Variants in BICD1 observed in about 807,000 individuals in gnomAD.
BICD1 encodes the protein BICD cargo adaptor 1.
A neutral mutation model predicts 92.5 loss-of-function variants in BICD1; 35 were observed. The observed-to-expected ratio is 0.38, with a 90% CI of 0.29 to 0.50. The LOEUF (loss-of-function observed/expected upper bound fraction) is 0.50, where lower values mean the gene tolerates loss of function less well. BICD1 is among the 20% of genes least tolerant of loss of function. The probability of loss-of-function intolerance (pLI) is 0.93; values close to 1 mark genes in which losing one functional copy is unlikely to be tolerated. For missense variants in BICD1, 950 were observed against 1,189.8 expected, an observed-to-expected ratio of 0.80 and a Z score of 2.97; for synonymous variants, 429 against 465.1, an observed-to-expected ratio of 0.92 and a Z score of 1.00.
chr12:32,345,689 C>A (rs1938538960), intron 8 of BICD1, among the ~76,000 whole-genome samples: 1 of 152,068 alleles, frequency 6.6e-6, no homozygotes, highest in South Asian at 2.1e-4. Flanking sequence ...TGCTTGAGCT[C>A]TTTAAGAAAG....
At chr12:32,113,506 CT>C (rs1222077403) in intron 1 of BICD1, among the ~76,000 whole-genome samples, 2 of 151,230 alleles carry the variant, frequency 1.3e-5, no homozygotes, top group African/African-American at 2.4e-5. Context: ...CCATCTCAGC[CT>C]CCCAAGGAGC....
chr12:32,119,943 TTTG>T (rs1942083324), intron 1 of BICD1, among the ~76,000 whole-genome samples: 1 of 152,212 alleles, frequency 6.6e-6, no homozygotes, highest in East Asian at 1.9e-4. Context: ...TCTTTTAAAA[TTTG>T]TTGTTTCTAC....
At chr12:32,250,241 C>A (rs1441489273) in intron 2 of BICD1, among the ~76,000 whole-genome samples, 1 of 152,116 alleles carries the variant, frequency 6.6e-6, no homozygotes, top group Non-Finnish European at 1.5e-5. Context: ...TCTGGGTCTC[C>A]TCATGTATTA....
intron 2 of BICD1, among the ~76,000 whole-genome samples, chr12:32,255,728 G>C (rs187593120): frequency 6.5e-4 from 99 of 152,244 alleles, no homozygotes; most frequent in African/African-American, 2.3e-3. Flanking sequence ...CTTTGCCCCA[G>C]ATAGCTGGCT....
intron 4 of BICD1, among the ~76,000 whole-genome samples, chr12:32,310,569 C>T (rs536094820): frequency 6.6e-6 from 1 of 152,292 alleles, no homozygotes; most frequent in East Asian, 1.9e-4. Flanking sequence ...ATCTTACTGG[C>T]TGCCAGGGTT....
chr12:32,338,799 T>C lies in BICD1; in HGVS notation c.2584T>C (p.Ser862Pro). 6.3e-7 allele frequency: 1 copy of C among 1,582,976 alleles called. No individual in the cohort carries two copies. Among genetic ancestry groups the C allele is most frequent in the East Asian group, 2.3e-5 (1 of 42,588 alleles). ...ATCTCCTGCAAGACAATTTTCACCT[T>C]CCCTTTGTGATCAGAGCCGTCCCAG... ...GTQRKRQFSP[S>P]LCDQSRPRTS... The change falls in exon 8 of 10, where the codon TCC becomes CCC. Residue 862 changes from serine to proline, a missense_variant. Ser to Pro is a moderately conservative substitution (Grantham distance 74). Transcript: ENST00000652176.
chr12:32,253,106 C>T (rs1946611156), intron 2 of BICD1, among the ~76,000 whole-genome samples: 1 of 152,104 alleles, frequency 6.6e-6, no homozygotes, highest in South Asian at 2.1e-4. Flanking sequence ...TGGTCTTGAA[C>T]TCCTGGGCTC....
In BICD1 at chr12:32,290,018, G is replaced by A. The variant is rs572116667; in HGVS notation, c.427-3976G>A. On this transcript the variant is annotated intron_variant, in intron 2 of 9. Transcript: ENST00000652176. ...GAGGATTAGGCTAAAGTCAACTGGT[G>A]GAGTAGGCATAGGTGAATTACTAAA... Among the ~76,000 whole-genome samples the A allele has an allele frequency of 3.9e-5, 6 of 152,312 alleles. No individual in the cohort carries two copies. In the East Asian group the frequency reaches 1.2e-3, roughly 29 times the overall value.
At chr12:32,163,411 C>T (rs1320296678) in intron 1 of BICD1, among the ~76,000 whole-genome samples, 1 of 151,968 alleles carries the variant, frequency 6.6e-6, no homozygotes, top group Non-Finnish European at 1.5e-5. Flanking sequence ...TGACAATAAA[C>T]AAGTGTATAG....
intron 1 of BICD1, among the ~76,000 whole-genome samples, chr12:32,124,438 C>T (rs1011299498): frequency 6.6e-6 from 1 of 152,022 alleles, no homozygotes; most frequent in Non-Finnish European, 1.5e-5. Context: ...ACGTTGGTTT[C>T]CTCCTCAGTA....
At chr12:32,150,364 A>G (rs922756958) in intron 1 of BICD1, among the ~76,000 whole-genome samples, 4 of 152,340 alleles carry the variant, frequency 2.6e-5, no homozygotes, top group Middle Eastern at 3.4e-3. Flanking sequence ...TGAAGGTTTT[A>G]TCTAGGCAGG....
In BICD1 at chr12:32,338,767, T is replaced by G. The variant is rs1221135835; in HGVS notation, c.2571-19T>G. On this transcript the variant is annotated intron_variant, in intron 7 of 9. Transcript: ENST00000652176. ...ACTTTTTTGTTTCCTATATGTATTT[T>G]TCTTGGATCTCCTGCAAGACAATTT... 1.3e-6 allele frequency: 2 copies of G among 1,560,068 alleles called. No homozygotes were observed. The highest frequency in any genetic ancestry group is 1.7e-6 in the Non-Finnish European group (2 of 1,160,172).
chr12:32,376,876 AGG>A (rs36065954), intron 9 of BICD1, among the ~76,000 whole-genome samples: 17,645 of 64,374 alleles, frequency 0.27, 1,554 homozygotes, highest in African/African-American at 0.41. Context: ...TAAAAAAAAA[AGG>A]GGGGGGGGGG....
In BICD1 at chr12:32,289,533, G is replaced by A. The variant is rs376575480; in HGVS notation, c.427-4461G>A. ...CCCAAGTAGCTAGGACTACAGGCGC[G>A]TGCCACCACACCCAGCTAATTTTTG... On this transcript the variant is annotated intron_variant, in intron 2 of 9. Transcript: ENST00000652176. Among the ~76,000 whole-genome samples, 8 of 152,146 alleles carry A rather than the reference G, an allele frequency of 5.3e-5. No individual in the cohort carries two copies. The South Asian group carries it at 8.3e-4, about 16-fold the overall frequency.
chr12:32,270,261 T>A (rs1234834262), intron 2 of BICD1, among the ~76,000 whole-genome samples: 3 of 152,068 alleles, frequency 2.0e-5, no homozygotes, highest in Non-Finnish European at 4.4e-5. Context: ...ATCTCCAAAA[T>A]CTGAATCTAA....
chr12:32,110,797 T>G (rs1941655134), intron 1 of BICD1, among the ~76,000 whole-genome samples: 1 of 127,088 alleles, frequency 7.9e-6, no homozygotes, highest in African/African-American at 3.0e-5. Context: ...TGAGAACACA[T>G]GGACACAGGA....
intron 8 of BICD1, among the ~76,000 whole-genome samples, chr12:32,355,127 T>C (rs1305958619): frequency 6.6e-6 from 1 of 152,222 alleles, no homozygotes; most frequent in Non-Finnish European, 1.5e-5. Context: ...TCAAGACTTA[T>C]ATATTAAAGT....
chr12:32,170,480 T>C (rs981176179), intron 1 of BICD1, among the ~76,000 whole-genome samples: 5 of 152,214 alleles, frequency 3.3e-5, no homozygotes, highest in Admixed American at 3.3e-4. Flanking sequence ...ACAACAATAT[T>C]ATTTAGTCAT....
At chr12:32,260,353 T>G (rs929500584) in intron 2 of BICD1, among the ~76,000 whole-genome samples, 2 of 152,224 alleles carry the variant, frequency 1.3e-5, no homozygotes, top group Admixed American at 1.3e-4. Context: ...GGAACTGAGT[T>G]GTAGCTGCCC....
Sources: gnomAD v4.1 joint callset for allele counts (sites outside exome capture counted in the v4.1 genomes callset) on GRCh38, gnomAD v4.1.1 for gene constraint, MANE v1.5 for transcripts, NCBI Gene and HGNC (gene_info 2026-07-23, HGNC 2026-07-21) for gene names.